IPPK: variants seen among roughly 807,000 people sequenced by gnomAD.
IPPK encodes the protein IPK1 homolog.
In IPPK, 22 loss-of-function variants were observed where a neutral mutation model predicts 64.6. The ratio of observed to expected loss-of-function variants is 0.34; its 90% CI spans 0.24 to 0.49. The LOEUF (loss-of-function observed/expected upper bound fraction) is 0.49, where lower values mean the gene tolerates loss of function less well. Ranked by LOEUF, IPPK falls within the 20% of genes least tolerant of loss-of-function variation. The pLI, the probability that IPPK is intolerant of heterozygous loss-of-function variation, is 0.99. For synonymous variants in IPPK, 262 were observed against 247.2 expected (o/e 1.06, Z -0.56); for missense variants, 532 against 630.7 (o/e 0.84, Z 1.68).
chr9:92,666,163 G>A (rs1223914720), intron 1 of IPPK, among the ~76,000 whole-genome samples: 2 of 152,158 alleles, frequency 1.3e-5, no homozygotes, highest in Non-Finnish European at 2.9e-5. Context: ...CATCATGACA[G>A]CTTAGTGTCA....
intron 1 of IPPK, among the ~76,000 whole-genome samples, chr9:92,662,636 A>G (rs750660834): frequency 6.6e-6 from 1 of 152,376 alleles, no homozygotes. Context: ...ACCAAGGCCC[A>G]AGCCACACCT....
At position 92,615,271 on chromosome 9, in the gene IPPK, C is replaced by T. The variant is rs1851397501; in HGVS notation, c.*561G>A. The T allele has an allele frequency of 6.3e-6, 1 of 158,644 alleles. No homozygotes were observed. 9.8% of individuals were successfully genotyped at this position (158,644 alleles called of 1,614,324 possible). A position where few individuals can be genotyped will look rare whatever the true frequency, so the allele number is the denominator to read the frequency against. Reference sequence around the variant, plus strand: ...CACCTCCACAGGGACCCTGAGTCTACACTGCTCAGAATCGGCATCTGCGCG... The same window carrying T: ...CACCTCCACAGGGACCCTGAGTCTATACTGCTCAGAATCGGCATCTGCGCG... On this transcript the variant is annotated 3_prime_UTR_variant, in exon 13 of 13. Transcript: ENST00000287996.
intron 3 of IPPK, among the ~76,000 whole-genome samples, chr9:92,655,867 C>T (rs906797536): frequency 6.6e-6 from 1 of 152,058 alleles, no homozygotes; most frequent in African/African-American, 2.4e-5. Flanking sequence ...AGGGTGGGAC[C>T]CAGGGGCCTG....
chr9:92,631,890 C>A (rs1451375567), intron 11 of IPPK, among the ~76,000 whole-genome samples: 1 of 152,220 alleles, frequency 6.6e-6, no homozygotes, highest in Non-Finnish European at 1.5e-5. Flanking sequence ...TTTATAACCA[C>A]ATCTACCTCC....
At position 92,635,071 on chromosome 9, in the gene IPPK, G is replaced by T; in HGVS notation, c.1067+87C>A. ...CCGGCATGCTTCATCCTCCTGGGAA[G>T]CTGTGCCTTGGGAGGCGCATTCTTA... On this transcript the variant is annotated intron_variant, in intron 10 of 12. Coordinates refer to ENST00000287996, the MANE Select transcript of IPPK (RefSeq NM_022755.6). This position sits in a 1 kb window ranked among gnomAD's most constrained non-coding sequence, Gnocchi z 4.4. The T allele has an allele frequency of 7.7e-7, 1 of 1,305,854 alleles. No homozygotes were observed. Among genetic ancestry groups the T allele is most frequent in the Non-Finnish European group, 1.1e-6 (1 of 948,788 alleles). 80.9% of individuals were successfully genotyped at this position (1,305,854 alleles called of 1,614,324 possible). A position where few individuals can be genotyped will look rare whatever the true frequency, so the allele number is the denominator to read the frequency against.
intron 1 of IPPK, among the ~76,000 whole-genome samples, chr9:92,660,993 TC>T (rs1414730300): frequency 6.6e-6 from 1 of 152,180 alleles, no homozygotes. Flanking sequence ...GAGGACTTAG[TC>T]CTCAGTCCTT....
At chr9:92,652,944 C>A (rs1433399342) in intron 3 of IPPK, among the ~76,000 whole-genome samples, 7 of 152,198 alleles carry the variant, frequency 4.6e-5, no homozygotes, top group Non-Finnish European at 7.3e-5. Context: ...CAGCTTCTCT[C>A]GCCACAAAGC....
intron 11 of IPPK, chr9:92,620,459 C>A (rs1038854071): frequency 6.6e-5 from 10 of 152,226 alleles, no homozygotes; most frequent in Non-Finnish European, 1.3e-4. Context: ...TTTGGACTTT[C>A]ATATATGGTT....
chr9:92,640,620 G>T, intron 8 of IPPK, 90 bp downstream of exon 8: 1 of 867,862 alleles, frequency 1.2e-6, no homozygotes. Flanking sequence ...CACATGACGT[G>T]CAGCCCAGCC....
intron 6 of IPPK, among the ~76,000 whole-genome samples, chr9:92,644,025 T>G (rs556916042): frequency 6.6e-6 from 1 of 152,282 alleles, no homozygotes; most frequent in South Asian, 2.1e-4. Context: ...ACCATGAAAA[T>G]TGCATCCCAA....
chr9:92,656,341 G>T, intron 3 of IPPK, 115 bp downstream of exon 3: 2 of 705,812 alleles, frequency 2.8e-6, no homozygotes, highest in East Asian at 2.7e-5. Flanking sequence ...GAAACACTTG[G>T]AGACTAGCTG....
chr9:92,637,634 C>CT (rs1488982526), intron 9 of IPPK, among the ~76,000 whole-genome samples: 10 of 152,210 alleles, frequency 6.6e-5, no homozygotes, highest in Admixed American at 2.0e-4. Context: ...TCAATTCTCT[C>CT]TGTCTAAGGA....
chr9:92,657,368 C>T (rs1852394468), intron 2 of IPPK, among the ~76,000 whole-genome samples: 1 of 152,036 alleles, frequency 6.6e-6, no homozygotes, highest in African/African-American at 2.4e-5. Context: ...AAAATAAAGC[C>T]CCCCTGGTCA....
intron 3 of IPPK, among the ~76,000 whole-genome samples, chr9:92,653,825 C>G (rs555228225): frequency 6.6e-6 from 1 of 152,336 alleles, no homozygotes; most frequent in East Asian, 1.9e-4. Context: ...GCCTGGGCGA[C>G]AGAGCGAGAA....
Position 92,656,551 on chromosome 9 carries a change from T to G in IPPK, c.130A>C (p.Thr44Pro). The change falls in exon 3 of 13, where the codon ACC (threonine) becomes CCC (proline). Residue 44 changes from threonine (T) to proline (P), a missense_variant and splice_region_variant. Physicochemically the swap from Thr to Pro is conservative, Grantham distance 38. Coordinates refer to ENST00000287996, the MANE Select transcript of IPPK (RefSeq NM_022755.6). ...AGGTGTTGAAATATCTCTTCCGAGG[T>G]CTGTAAGAGACAACCACAGGACAGC... The part of the protein sequence containing the change: ...FLKFPPNRKK[T>P]SEEIFQHLQN... 1 of 1,602,432 alleles carries G rather than the reference T, an allele frequency of 6.2e-7. No individual in the cohort carries two copies. Among genetic ancestry groups the G allele is most frequent in the Non-Finnish European group, 8.6e-7 (1 of 1,169,480 alleles).
chr9:92,634,448 A>G lies in IPPK; in HGVS notation c.1108T>C (p.Tyr370His). 1 of 1,614,120 alleles carries G rather than the reference A, an allele frequency of 6.2e-7. No homozygotes were observed. The highest frequency in any genetic ancestry group is 8.5e-7 in the Non-Finnish European group (1 of 1,179,926). The change falls in exon 11 of 13, where the codon TAC becomes CAC. Residue 370 changes from tyrosine to histidine, a missense_variant. Tyr to His is a moderately conservative substitution (Grantham distance 83, BLOSUM62 2). Transcript: ENST00000287996. Reference protein sequence around the residue: ...QIDGPYDEAFYQKLLDLSTED... With the variant: ...QIDGPYDEAFHQKLLDLSTED... ...GTGGAAAGGTCAAGCAGCTTCTGGT[A>G]AAATGCTTCATCATAAGGCCCATCT...
rs140359079 is a variant in IPPK, at chr9:92,652,341, C to T, written c.292+232G>A. Among the ~76,000 whole-genome samples the T allele has an allele frequency of 0.05, 7,419 of 149,426 alleles. 287 individuals are homozygous for T. Among genetic ancestry groups the T allele is most frequent in the Admixed American group, 0.12 (1,769 of 14,930 alleles). On this transcript the variant is annotated intron_variant, in intron 4 of 12. Coordinates refer to ENST00000287996, the MANE Select transcript of IPPK (RefSeq NM_022755.6). The stretch of plus-strand genomic sequence containing the variant: ...GTAGGCGCCTGTAGTCCCAGCTACT[C>T]GGGAGGCTGAGGCAGAAGAATGGTG...
Position 92,618,744 on chromosome 9 carries a change from GCCAGGGAACAGGAAT to G in IPPK, c.1250+727_1250+741del, listed in dbSNP as rs139089248. On this transcript the variant is annotated intron_variant, in intron 12 of 12. Transcript: ENST00000287996. ...TTGGAAAGTAAACAATTCTGTGCCT[GCCAGGGAACAGGAAT>G]CCTGGGAACTGTTTAGTTCAAAAGC... 3.0e-3 allele frequency: 977 copies of G among 325,454 alleles called. 13 individuals are homozygous for G. The highest frequency in any genetic ancestry group is 0.021 in the African/African-American group (905 of 43,838). 20.2% of individuals were successfully genotyped at this position (325,454 alleles called of 1,614,324 possible). A position where few individuals can be genotyped will look rare whatever the true frequency, so the allele number is the denominator to read the frequency against.
intron 12 of IPPK, chr9:92,618,917 GCTGT>G (rs1345523339): frequency 3.9e-5 from 12 of 308,918 alleles, no homozygotes; most frequent in South Asian, 9.0e-5. Context: ...TGATGGAGAT[GCTGT>G]CTAACGACTA....
Sources: gnomAD v4.1 joint callset for allele counts (sites outside exome capture counted in the v4.1 genomes callset) on GRCh38, gnomAD v4.1.1 for gene constraint, Gnocchi (gnomAD v3.1) non-coding constraint, MANE v1.5 for transcripts, NCBI Gene and HGNC (gene_info 2026-07-23, HGNC 2026-07-21) for gene names.